PCSK4: variants seen among roughly 807,000 people sequenced by gnomAD.
PCSK4 encodes proprotein convertase subtilisin/kexin type 4.
PCSK4 carries 64 observed loss-of-function variants against 80.3 expected under a neutral mutation model. The ratio of observed to expected loss-of-function variants is 0.80; its 90% CI spans 0.65 to 0.98. The LOEUF (loss-of-function observed/expected upper bound fraction) is 0.98. Among genes scored for constraint, PCSK4 ranks in the 50% least tolerant of loss-of-function variants. The pLI is 0.00. For synonymous variants in PCSK4, 561 were observed against 487.6 expected, an observed-to-expected ratio of 1.15 and a Z score of -1.98; for missense variants, 1,213 against 1,093.6, an observed-to-expected ratio of 1.11 and a Z score of -1.54.
chr19:1,481,908 C>G, exon 15 of PCSK4: 1 of 1,594,832 alleles, frequency 6.3e-7, no homozygotes, highest in Non-Finnish European at 8.5e-7. Context: ...ATGGCCGAGG[C>G]TGGGCAGCGG....
chr19:1,482,867 C>T (rs1159711101), intron 13 of PCSK4, 29 bp downstream of exon 13: 2 of 1,608,164 alleles, frequency 1.2e-6, no homozygotes, highest in South Asian at 2.2e-5. Flanking sequence ...AGCCAAGCCC[C>T]GCCCACCACA....
chr19:1,482,022 A>G, exon 15 of PCSK4: 2 of 1,576,002 alleles, frequency 1.3e-6, no homozygotes, highest in South Asian at 2.3e-5. Flanking sequence ...GGGGGACAGG[A>G]GGTGCAGTCC....
exon 5 of PCSK4, chr19:1,487,830 T>C: frequency 1.3e-6 from 2 of 1,569,916 alleles, no homozygotes; most frequent in South Asian, 1.2e-5. Context: ...GTCCGGGTCG[T>C]AGTCATTGAA....
intron 5 of PCSK4, 28 bp downstream of exon 5, chr19:1,487,757 C>G: frequency 6.4e-7 from 1 of 1,553,770 alleles, no homozygotes; most frequent in Non-Finnish European, 8.7e-7. Context: ...CTGGGGCTTC[C>G]CCCGTGTGCT....
exon 1 of PCSK4, chr19:1,490,249 A>C: frequency 6.2e-7 from 1 of 1,611,662 alleles, no homozygotes; most frequent in Non-Finnish European, 8.5e-7. Flanking sequence ...GCTGACATAG[A>C]TGGGGGCTCG....
chr19:1,490,396 A>C (rs2084889181), exon 1 of PCSK4: 1 of 725,124 alleles, frequency 1.4e-6, no homozygotes, highest in Non-Finnish European at 2.1e-6. Context: ...CTCCCGCCAA[A>C]CCGCCGAGTG....
At chr19:1,490,083 C>G in intron 1 of PCSK4, 75 bp downstream of exon 1, 2 of 1,570,156 alleles carry the variant, frequency 1.3e-6, no homozygotes, top group Non-Finnish European at 1.7e-6. Flanking sequence ...TGTGGGCTCC[C>G]TCCCCCTTGT....
At position 1,483,275 on chromosome 19, in the gene PCSK4, G is replaced by T. The variant is rs765580373; in HGVS notation, c.1571+9C>A. 3 of 1,567,520 alleles carry T rather than the reference G, an allele frequency of 1.9e-6. No homozygotes were observed. The highest frequency in any genetic ancestry group is 2.6e-6 in the Non-Finnish European group (3 of 1,155,922). On this transcript the variant is annotated intron_variant, in intron 12 of 14. Transcript: ENST00000300954. ...TGAGGCCGCCCCCTCTCCTCTGCGG[G>T]CCGCTCACCGTATGGCCACGAGTGT... is the stretch of plus-strand genomic sequence containing the variant.
At chr19:1,487,841 G>A in exon 5 of PCSK4, 1 of 1,559,202 alleles carries the variant, frequency 6.4e-7, no homozygotes, top group Non-Finnish European at 8.7e-7. Flanking sequence ...AGTCATTGAA[G>A]TCATAGCTGG....
exon 7 of PCSK4, chr19:1,487,235 A>C: frequency 6.2e-7 from 1 of 1,606,758 alleles, no homozygotes; most frequent in Non-Finnish European, 8.5e-7. Flanking sequence ...GGCGCTGTAA[A>C]TGTGGATGTG....
chr19:1,487,460 AC>A (rs1488461430), intron 6 of PCSK4, 142 bp downstream of exon 6: 19 of 985,416 alleles, frequency 1.9e-5, no homozygotes, highest in Middle Eastern at 2.6e-4. Context: ...TTGGCTCAGC[AC>A]CCCCCAAGCC....
At chr19:1,483,796 C>T (rs2084448118) in intron 10 of PCSK4, 29 bp from the exon 11 acceptor site, 1 of 1,526,494 alleles carries the variant, frequency 6.6e-7, no homozygotes, top group Admixed American at 1.9e-5. Context: ...GTCACTCGCC[C>T]CGTGGGCCCC....
chr19:1,485,776 A>C (rs961073224), intron 8 of PCSK4, among the ~76,000 whole-genome samples: 19 of 150,864 alleles, frequency 1.3e-4, no homozygotes, highest in Non-Finnish European at 2.7e-4. Flanking sequence ...GAGGCTGAGG[A>C]AGGAGAATGG....
intron 6 of PCSK4, 143 bp downstream of exon 6, chr19:1,487,460 A>G: frequency 2.0e-6 from 2 of 985,556 alleles, no homozygotes; most frequent in Non-Finnish European, 3.0e-6. Context: ...TTGGCTCAGC[A>G]CCCCCCAAGC....
exon 15 of PCSK4, chr19:1,481,617 G>A: frequency 1.9e-6 from 1 of 535,848 alleles, no homozygotes. Context: ...CCAGGCTTCG[G>A]GGTTCCACGG....
At chr19:1,489,276 C>T (rs1240323771) in intron 2 of PCSK4, among the ~76,000 whole-genome samples, 2 of 152,126 alleles carry the variant, frequency 1.3e-5, no homozygotes, top group Admixed American at 6.5e-5. Context: ...GGACTACAGG[C>T]GCCTGCCACC....
At chr19:1,483,166 A>C (rs1177769285) in intron 12 of PCSK4, 118 bp downstream of exon 12, 1 of 1,272,080 alleles carries the variant, frequency 7.9e-7, no homozygotes, top group Non-Finnish European at 1.1e-6. Flanking sequence ...GGTCCCACCA[A>C]CTAGGCTGCC....
exon 15 of PCSK4, chr19:1,481,711 C>T: frequency 4.5e-6 from 6 of 1,330,220 alleles, no homozygotes; most frequent in Non-Finnish European, 6.1e-6. Context: ...GCAGCAGTGC[C>T]TGTCAGGGAC....
At chr19:1,481,999 C>T in exon 15 of PCSK4, 1 of 1,588,886 alleles carries the variant, frequency 6.3e-7, no homozygotes, top group Non-Finnish European at 8.5e-7. Context: ...GCTGCTGGTC[C>T]AGCGTGGAGG....
Sources: gnomAD v4.1 joint callset for allele counts (sites outside exome capture counted in the v4.1 genomes callset) on GRCh38, gnomAD v4.1.1 for gene constraint, MANE v1.5 for transcripts, NCBI Gene and HGNC (gene_info 2026-07-23, HGNC 2026-07-21) for gene names.